The following ADGRB3 variants were observed in gnomAD, a reference collection of about 807,000 sequenced individuals.
The protein encoded by ADGRB3 is adhesion G protein-coupled receptor B3.
A neutral mutation model predicts 193.4 loss-of-function variants in ADGRB3; 37 were observed. The ratio of observed to expected loss-of-function variants is 0.19; its 90% CI spans 0.15 to 0.25. The LOEUF (loss-of-function observed/expected upper bound fraction) is 0.25, where lower values mean the gene tolerates loss of function less well. Ranked by LOEUF, ADGRB3 falls within the 10% of genes least tolerant of loss-of-function variation. The pLI is 1.00. For missense variants in ADGRB3, 1,637 were observed against 1,852.9 expected, an observed-to-expected ratio of 0.88 and a Z score of 2.14; for synonymous variants, 690 against 644.2, an observed-to-expected ratio of 1.07 and a Z score of -1.08.
At chr6:69,100,906 G>A (rs865939511) in intron 17 of ADGRB3, among the ~76,000 whole-genome samples, 49 of 69,658 alleles carry the variant, frequency 7.0e-4, no homozygotes, top group Admixed American at 9.6e-4. Context: ...AGGAAGAAGC[G>A]AGGGAGGGAA....
intron 17 of ADGRB3, among the ~76,000 whole-genome samples, chr6:69,186,066 G>T (rs947587808): frequency 4.0e-5 from 6 of 151,620 alleles, no homozygotes; most frequent in African/African-American, 1.5e-4. Context: ...TTTGCTGGAG[G>T]TTTGTTCTGA....
intron 17 of ADGRB3, among the ~76,000 whole-genome samples, chr6:69,093,492 T>C (rs1436349163): frequency 6.6e-6 from 1 of 150,756 alleles, no homozygotes; most frequent in Non-Finnish European, 1.5e-5. Flanking sequence ...GCAAACTTTG[T>C]TCATAGATAG....
At chr6:68,915,230 A>G (rs1167974764) in intron 3 of ADGRB3, among the ~76,000 whole-genome samples, 2 of 152,214 alleles carry the variant, frequency 1.3e-5, no homozygotes, top group Non-Finnish European at 2.9e-5. Context: ...GACAAGTAAC[A>G]TAACCTCTTG....
chr6:68,969,232 C>A (rs1470536735), intron 8 of ADGRB3, among the ~76,000 whole-genome samples: 1 of 152,052 alleles, frequency 6.6e-6, no homozygotes, highest in Non-Finnish European at 1.5e-5. Flanking sequence ...TTCATATATT[C>A]AATAACTGAG....
At chr6:69,332,123 A>G (rs1768743602) in intron 23 of ADGRB3, 1 of 985,302 alleles carries the variant, frequency 1.0e-6, no homozygotes, top group South Asian at 4.7e-5. Context: ...CCTTGATCAG[A>G]AAGTGTTGGT....
At chr6:68,722,617 T>TA (rs1252151397) in intron 3 of ADGRB3, among the ~76,000 whole-genome samples, 1 of 151,092 alleles carries the variant, frequency 6.6e-6, no homozygotes, top group Non-Finnish European at 1.5e-5. Flanking sequence ...TTTTTTTTTT[T>TA]AACTGAATCT....
At chr6:69,174,476 T>A (rs895054647) in intron 17 of ADGRB3, among the ~76,000 whole-genome samples, 1 of 152,224 alleles carries the variant, frequency 6.6e-6, no homozygotes, top group African/African-American at 2.4e-5. Context: ...TGTATGCATA[T>A]GACATTTTTT....
chr6:69,259,450 T>C (rs1041868628), intron 20 of ADGRB3, among the ~76,000 whole-genome samples: 2 of 152,020 alleles, frequency 1.3e-5, no homozygotes, highest in African/African-American at 4.8e-5. Context: ...AATCTCAGCA[T>C]TTTGGGAGGC....
chr6:69,333,876 G>A (rs541914489), intron 24 of ADGRB3, among the ~76,000 whole-genome samples: 5 of 150,720 alleles, frequency 3.3e-5, no homozygotes, highest in African/African-American at 1.2e-4. Context: ...CTTGCAGAGA[G>A]CCAAGATCGC....
intron 4 of ADGRB3, 52 bp downstream of exon 4, chr6:68,930,721 A>G: frequency 1.5e-6 from 2 of 1,295,944 alleles, no homozygotes; most frequent in Non-Finnish European, 1.1e-6. Context: ...TAATGAAACC[A>G]CTGCATGTTT....
At chr6:68,965,319 T>C (rs1384455484) in intron 8 of ADGRB3, among the ~76,000 whole-genome samples, 2 of 152,166 alleles carry the variant, frequency 1.3e-5, no homozygotes, top group Admixed American at 6.6e-5. Context: ...CTGTAAGTCA[T>C]TGAGCACAGA....
At chr6:69,276,828 G>T (rs1767312776) in intron 20 of ADGRB3, among the ~76,000 whole-genome samples, 2 of 151,990 alleles carry the variant, frequency 1.3e-5, no homozygotes, top group Admixed American at 6.6e-5. Flanking sequence ...GACGGATATG[G>T]ATATGTTTAT....
At chr6:69,053,816 A>G (rs934307579) in intron 15 of ADGRB3, among the ~76,000 whole-genome samples, 3 of 152,212 alleles carry the variant, frequency 2.0e-5, no homozygotes, top group African/African-American at 7.2e-5. Flanking sequence ...TTTGTCATTG[A>G]TATAGCAATT....
At chr6:69,298,941 T>G (rs562606319) in intron 20 of ADGRB3, among the ~76,000 whole-genome samples, 1 of 152,070 alleles carries the variant, frequency 6.6e-6, no homozygotes, top group Non-Finnish European at 1.5e-5. Flanking sequence ...ATTTTTAGTT[T>G]TTTAAGGGGC....
intron 15 of ADGRB3, among the ~76,000 whole-genome samples, chr6:69,060,243 TCTCTCTCC>T (rs1254085435): frequency 3.3e-5 from 5 of 151,408 alleles, no homozygotes; most frequent in South Asian, 2.1e-4. Context: ...TCTCTCTCTC[TCTCTCTCC>T]TCCTCTGTCT....
chr6:69,316,178 T>C (rs551738357), intron 20 of ADGRB3, among the ~76,000 whole-genome samples: 3 of 151,314 alleles, frequency 2.0e-5, no homozygotes, highest in Non-Finnish European at 4.4e-5. Flanking sequence ...AAAGTAAATA[T>C]AGTATTATGT....
intron 3 of ADGRB3, among the ~76,000 whole-genome samples, chr6:68,786,161 G>C (rs577659851): frequency 4.3e-4 from 65 of 152,148 alleles, no homozygotes; most frequent in African/African-American, 1.5e-3. Context: ...AGTTTAATTA[G>C]ATCCCATTTG....
chr6:68,676,389 CA>C (rs70987431), intron 3 of ADGRB3, among the ~76,000 whole-genome samples: 33,131 of 84,514 alleles, frequency 0.39, 3,629 homozygotes, highest in East Asian at 0.6. Context: ...GACTCTGTCT[CA>C]AAAAAAAAAA....
intron 10 of ADGRB3, among the ~76,000 whole-genome samples, chr6:68,989,013 AC>A (rs1437384793): frequency 6.6e-6 from 1 of 152,140 alleles, no homozygotes; most frequent in Non-Finnish European, 1.5e-5. Context: ...AAGGCTCCAC[AC>A]CCAGAGAAAT....
Sources: allele counts gnomAD v4.1 joint callset (sites outside exome capture counted in the v4.1 genomes callset), GRCh38; gene constraint gnomAD v4.1.1; transcripts MANE v1.5; gene names NCBI Gene and HGNC (gene_info 2026-07-23, HGNC 2026-07-21).